Variants in EXOC4 observed in about 807,000 individuals in gnomAD.
EXOC4 encodes SEC8-like 1.
A neutral mutation model predicts 107.2 loss-of-function variants in EXOC4; 71 were observed. That is an observed-to-expected ratio of 0.66 (90% CI 0.55 to 0.81). EXOC4 has a LOEUF of 0.81. Ranked by LOEUF, EXOC4 falls within the 30% of genes least tolerant of loss-of-function variation. EXOC4 has a pLI of 0.00. For synonymous variants in EXOC4, 456 were observed against 441.2 expected (o/e 1.03, Z -0.42); for missense variants, 1,108 against 1,189.6 (o/e 0.93, Z 1.01).
chr7:133,522,404 C>T (rs1328120575), intron 9 of EXOC4, among the ~76,000 whole-genome samples: 3 of 152,132 alleles, frequency 2.0e-5, no homozygotes, highest in African/African-American at 7.2e-5. Flanking sequence ...AATACAAATG[C>T]TCCTTTAATT....
At chr7:133,731,539 A>C (rs1489182435) in intron 10 of EXOC4, among the ~76,000 whole-genome samples, 4 of 152,174 alleles carry the variant, frequency 2.6e-5, no homozygotes, top group Non-Finnish European at 5.9e-5. Flanking sequence ...CAGAGAAAAA[A>C]ATAAAGAGAT....
intron 10 of EXOC4, among the ~76,000 whole-genome samples, chr7:133,770,548 A>G (rs1357161137): frequency 6.6e-6 from 1 of 151,986 alleles, no homozygotes; most frequent in Non-Finnish European, 1.5e-5. Context: ...ATTTGTATTC[A>G]GCAAGTGTGC....
chr7:133,829,041 A>G (rs373798419), intron 11 of EXOC4, among the ~76,000 whole-genome samples: 53 of 152,334 alleles, frequency 3.5e-4, no homozygotes, highest in African/African-American at 1.3e-3. Context: ...ACCTTAGGCA[A>G]GAAGTGGGCC....
intron 4 of EXOC4, among the ~76,000 whole-genome samples, chr7:133,315,679 A>G (rs1794975295): frequency 6.6e-6 from 1 of 152,186 alleles, no homozygotes; most frequent in African/African-American, 2.4e-5. Context: ...TTCTTAAGAT[A>G]GTTTAGGCTA....
At chr7:133,830,557 A>C (rs559238429) in intron 11 of EXOC4, among the ~76,000 whole-genome samples, 2 of 152,332 alleles carry the variant, frequency 1.3e-5, no homozygotes, top group East Asian at 3.9e-4. Context: ...TAGGGTACGT[A>C]AAAGCAAACC....
At chr7:133,873,361 G>A (rs1009905152) in intron 11 of EXOC4, among the ~76,000 whole-genome samples, 1 of 152,190 alleles carries the variant, frequency 6.6e-6, no homozygotes, top group East Asian at 1.9e-4. Flanking sequence ...TGTGTACTCT[G>A]TTAATGATAC....
chr7:133,766,352 C>G (rs1404729021), intron 10 of EXOC4, among the ~76,000 whole-genome samples: 2 of 151,886 alleles, frequency 1.3e-5, no homozygotes, highest in East Asian at 1.9e-4. Context: ...TATTATTTAC[C>G]TAACACTGGT....
At chr7:133,633,371 CT>C (rs1802634320) in intron 10 of EXOC4, among the ~76,000 whole-genome samples, 1 of 152,034 alleles carries the variant, frequency 6.6e-6, no homozygotes, top group African/African-American at 2.4e-5. Flanking sequence ...TTGCCAAACT[CT>C]TTTTCTAATT....
intron 9 of EXOC4, among the ~76,000 whole-genome samples, chr7:133,483,825 C>T (rs763072471): frequency 2.1e-4 from 32 of 152,168 alleles, no homozygotes; most frequent in African/African-American, 6.8e-4. Flanking sequence ...CCATTAAAAA[C>T]GGCTGTCCTT....
the EXOC4 span, among the ~76,000 whole-genome samples, chr7:134,092,929 A>T: frequency 6.6e-6 from 1 of 151,748 alleles, no homozygotes; most frequent in Non-Finnish European, 1.5e-5. Flanking sequence ...TCTCAAAAAA[A>T]AAAAAAAAAG....
chr7:133,626,922 C>A (rs1395574431), intron 9 of EXOC4, among the ~76,000 whole-genome samples: 1 of 152,186 alleles, frequency 6.6e-6, no homozygotes, highest in Middle Eastern at 3.2e-3. Context: ...TTGACAGTTG[C>A]TTACATTGAT....
At chr7:134,001,509 A>C (rs1164988748) in intron 15 of EXOC4, among the ~76,000 whole-genome samples, 1 of 152,134 alleles carries the variant, frequency 6.6e-6, no homozygotes, top group East Asian at 1.9e-4. Context: ...TGGGAAGAAG[A>C]TAATACCTTA....
intron 14 of EXOC4, among the ~76,000 whole-genome samples, chr7:133,940,153 C>T (rs1272600492): frequency 6.6e-6 from 1 of 152,136 alleles, no homozygotes; most frequent in African/African-American, 2.4e-5. Context: ...CTATTCTGCC[C>T]ATTCTAAAAG....
At chr7:133,379,462 C>T (rs908312593) in intron 7 of EXOC4, among the ~76,000 whole-genome samples, 5 of 151,870 alleles carry the variant, frequency 3.3e-5, no homozygotes, top group Admixed American at 2.0e-4. Flanking sequence ...AAGAGATAAC[C>T]ATGAAATACT....
intron 17 of EXOC4, among the ~76,000 whole-genome samples, chr7:134,031,875 G>A (rs924369538): frequency 2.6e-5 from 4 of 152,166 alleles, no homozygotes; most frequent in Admixed American, 6.5e-5. Context: ...ATCTCTCTCA[G>A]TTGTGGTTAT....
chr7:133,314,824 C>A (rs1437621193), intron 4 of EXOC4, among the ~76,000 whole-genome samples: 10 of 152,074 alleles, frequency 6.6e-5, no homozygotes, highest in Non-Finnish European at 5.9e-5. Context: ...CCACTTTGTT[C>A]TAGAAATATT....
At chr7:133,667,213 A>C (rs1313154188) in intron 10 of EXOC4, among the ~76,000 whole-genome samples, 1 of 152,184 alleles carries the variant, frequency 6.6e-6, no homozygotes, top group Non-Finnish European at 1.5e-5. Flanking sequence ...CTTTAGACAA[A>C]GGACACCTCT....
At chr7:133,325,104 C>G (rs909173878) in intron 5 of EXOC4, among the ~76,000 whole-genome samples, 2 of 152,140 alleles carry the variant, frequency 1.3e-5, no homozygotes, top group Admixed American at 6.5e-5. Flanking sequence ...CTATGTGTGT[C>G]TCTGCACGTG....
At chr7:133,535,882 C>T (rs976046099) in intron 9 of EXOC4, among the ~76,000 whole-genome samples, 1 of 152,182 alleles carries the variant, frequency 6.6e-6, no homozygotes, top group East Asian at 1.9e-4. Context: ...TCACTGTCAA[C>T]ATCATCTCTT....
Sources: allele counts gnomAD v4.1 joint callset (sites outside exome capture counted in the v4.1 genomes callset), GRCh38; gene constraint gnomAD v4.1.1; transcripts MANE v1.5; gene names NCBI Gene and HGNC (gene_info 2026-07-23, HGNC 2026-07-21).